SFMBT2: variants seen among roughly 807,000 people sequenced by gnomAD.
SFMBT2 encodes scm-like with four MBT domains protein 2.
Under a neutral mutation model 110.1 loss-of-function variants are expected in SFMBT2, and 38 were observed. That is an observed-to-expected ratio of 0.35 (90% CI 0.27 to 0.45). The LOEUF is 0.45. Among genes scored for constraint, SFMBT2 ranks in the 20% least tolerant of loss-of-function variants. SFMBT2 has a pLI of 1.00. For synonymous variants in SFMBT2, 425 were observed against 425.4 expected, an observed-to-expected ratio of 1.00 and a Z score of 0.01; for missense variants, 1,011 against 1,094.9, an observed-to-expected ratio of 0.92 and a Z score of 1.08.
chr10:7,342,396 CTTTTT>C (rs71382101), intron 4 of SFMBT2, among the ~76,000 whole-genome samples: 3 of 69,664 alleles, frequency 4.3e-5, no homozygotes, highest in East Asian at 4.2e-4. Flanking sequence ...TGGAGTGAGT[CTTTTT>C]TTTTTTTTTT....
At chr10:7,180,490 C>T (rs538326653) in intron 16 of SFMBT2, among the ~76,000 whole-genome samples, 40 of 152,154 alleles carry the variant, frequency 2.6e-4, no homozygotes, top group Non-Finnish European at 4.7e-4. Context: ...CCCAGAAGGG[C>T]CCCATCCAGG....
At chr10:7,197,725 C>T (rs755362878) in intron 14 of SFMBT2, 38 bp from the exon 15 acceptor site, 3 of 1,606,076 alleles carry the variant, frequency 1.9e-6, no homozygotes, top group African/African-American at 2.7e-5. Flanking sequence ...CTTAGGACCA[C>T]AGCCCCAGAC....
intron 7 of SFMBT2, among the ~76,000 whole-genome samples, chr10:7,266,168 C>T (rs1841384529): frequency 1.3e-5 from 2 of 152,020 alleles, no homozygotes; most frequent in Admixed American, 1.3e-4. Context: ...CAGCTCACTG[C>T]AACCTCCGCC....
At chr10:7,328,596 T>C (rs918343067) in intron 4 of SFMBT2, among the ~76,000 whole-genome samples, 1 of 152,272 alleles carries the variant, frequency 6.6e-6, no homozygotes, top group Admixed American at 6.5e-5. Flanking sequence ...CATCTAGATC[T>C]ATAATCTGTT....
chr10:7,206,654 G>C, intron 11 of SFMBT2: 1 of 894,000 alleles, frequency 1.1e-6, no homozygotes, highest in Non-Finnish European at 1.3e-6. Flanking sequence ...CGTAATTACA[G>C]TCATGCCTTA....
intron 4 of SFMBT2, among the ~76,000 whole-genome samples, chr10:7,318,693 C>T (rs903807840): frequency 1.3e-5 from 2 of 152,204 alleles, no homozygotes; most frequent in East Asian, 1.9e-4. Context: ...GGAACTGGAG[C>T]GAGAAAATAA....
At chr10:7,395,673 G>C (rs1370341058) in intron 1 of SFMBT2, among the ~76,000 whole-genome samples, 3 of 140,294 alleles carry the variant, frequency 2.1e-5, no homozygotes, top group Non-Finnish European at 4.6e-5. Context: ...CCCTTCCATT[G>C]AGTTTTACAT....
chr10:7,213,729 G>A (rs553755921), intron 11 of SFMBT2, among the ~76,000 whole-genome samples: 36 of 141,182 alleles, frequency 2.5e-4, no homozygotes, highest in African/African-American at 8.8e-4. Context: ...GGCCATGGGC[G>A]CGGGCACTCA....
intron 2 of SFMBT2, among the ~76,000 whole-genome samples, chr10:7,375,751 C>A (rs1230266672): frequency 1.2e-4 from 15 of 124,768 alleles, no homozygotes; most frequent in East Asian, 4.9e-4. Context: ...AAAGAAAAAA[C>A]CACACACACA....
rs1469280855 is a variant in SFMBT2 at position 7,200,484 on chromosome 10, T to A, written c.1488A>T (p.Gln496His). The change falls in exon 14 of 21, where the codon CAA (glutamine) becomes CAT (histidine). Residue 496 changes from glutamine (Q) to histidine (H), a missense_variant and splice_region_variant. By Grantham distance (24) the Gln-to-His change is conservative (BLOSUM62 0). Transcript: ENST00000397167. Reference protein sequence around the residue: ...RKIAVVQPEKQLPPTVPVKKI... With the variant: ...RKIAVVQPEKHLPPTVPVKKI... Reference sequence around the variant, plus strand: ...TCTTAACAGGCACTGTGGGCGGCAATCTGTCAACAGAGAAAATAAAACTAT... The same window carrying A: ...TCTTAACAGGCACTGTGGGCGGCAAACTGTCAACAGAGAAAATAAAACTAT... 6.3e-7 allele frequency: 1 copy of A among 1,598,862 alleles called. No individual in the cohort carries two copies. The highest frequency in any genetic ancestry group is 1.7e-5 in the Admixed American group (1 of 57,760).
At chr10:7,300,485 C>T (rs1842527762) in intron 4 of SFMBT2, among the ~76,000 whole-genome samples, 1 of 152,218 alleles carries the variant, frequency 6.6e-6, no homozygotes, top group Admixed American at 6.5e-5. Context: ...AACCCTCAGG[C>T]TTCTCATTCA....
intron 8 of SFMBT2, among the ~76,000 whole-genome samples, chr10:7,245,583 A>AT (rs1840579329): frequency 6.6e-6 from 1 of 152,266 alleles, no homozygotes; most frequent in South Asian, 2.1e-4. Context: ...ACTAATGCCC[A>AT]GAGCAGTTAA....
intron 4 of SFMBT2, among the ~76,000 whole-genome samples, chr10:7,365,756 T>C (rs760296283): frequency 6.6e-6 from 1 of 152,168 alleles, no homozygotes; most frequent in Non-Finnish European, 1.5e-5. Flanking sequence ...ATTCCATGCA[T>C]GTAAAATGCC....
intron 4 of SFMBT2, among the ~76,000 whole-genome samples, chr10:7,311,399 G>A (rs980154154): frequency 3.3e-5 from 5 of 152,126 alleles, no homozygotes; most frequent in South Asian, 2.1e-4. Context: ...ACGGCGACTC[G>A]GTATTTTTCT....
chr10:7,215,144 T>C (rs1839490990), intron 11 of SFMBT2, among the ~76,000 whole-genome samples: 1 of 152,224 alleles, frequency 6.6e-6, no homozygotes, highest in African/African-American at 2.4e-5. Flanking sequence ...TTCACACCTG[T>C]AATCCCGGCA....
intron 7 of SFMBT2, among the ~76,000 whole-genome samples, chr10:7,254,651 C>T (rs1410114057): frequency 6.6e-6 from 1 of 151,990 alleles, no homozygotes; most frequent in Non-Finnish European, 1.5e-5. Flanking sequence ...GAAACCCCAT[C>T]TCTACTAAAG....
At chr10:7,205,306 G>C (rs1839092682) in intron 12 of SFMBT2, 1 of 602,206 alleles carries the variant, frequency 1.7e-6, no homozygotes, top group South Asian at 7.3e-5. Flanking sequence ...TGCCCAGGCT[G>C]GTCTCAAAAT....
Position 7,287,019 on chromosome 10 carries a change from T to C in SFMBT2, c.437-1065A>G, listed in dbSNP as rs143378670. Among the ~76,000 whole-genome samples, 882 of 150,852 alleles carry C rather than the reference T, an allele frequency of 5.8e-3. 6 individuals are homozygous for C. Among genetic ancestry groups the C allele is most frequent in the African/African-American group, 0.02 (805 of 41,120 alleles). ...TTCAGTTATCCAAGTAGAAAAGTGA[T>C]AGGACTCAAAATAGGGGTGACAGCC... is the stretch of plus-strand genomic sequence containing the variant. On this transcript the variant is annotated intron_variant, in intron 4 of 20. Transcript: ENST00000397167.
intron 2 of SFMBT2, among the ~76,000 whole-genome samples, 165 bp downstream of exon 2, chr10:7,381,634 C>T (rs1411672320): frequency 6.6e-6 from 1 of 152,124 alleles, no homozygotes; most frequent in Non-Finnish European, 1.5e-5. Flanking sequence ...AGAATCTTGA[C>T]CCAAATTTTA....
Sources: allele counts gnomAD v4.1 joint callset (sites outside exome capture counted in the v4.1 genomes callset), GRCh38; gene constraint gnomAD v4.1.1; transcripts MANE v1.5; gene names NCBI Gene and HGNC (gene_info 2026-07-23, HGNC 2026-07-21).